Variants in DISP1 observed in about 807,000 individuals in gnomAD.
DISP1 encodes the protein protein dispatched homolog 1.
Under a neutral mutation model 37.3 loss-of-function variants are expected in DISP1, and 30 were observed. The ratio of observed to expected loss-of-function variants is 0.80; its 90% CI spans 0.60 to 1.09. The LOEUF (loss-of-function observed/expected upper bound fraction) is 1.09, where lower values mean the gene tolerates loss of function less well. DISP1 is among the 50% of genes least tolerant of loss of function. The pLI is 0.00. For missense variants in DISP1, 1,598 were observed against 1,879.5 expected, an observed-to-expected ratio of 0.85 and a Z score of 2.77; for synonymous variants, 634 against 690.2, an observed-to-expected ratio of 0.92 and a Z score of 1.28.
chr1:222,920,120 T>C (rs913350539), intron 1 of DISP1, among the ~76,000 whole-genome samples: 2 of 152,194 alleles, frequency 1.3e-5, no homozygotes, highest in African/African-American at 4.8e-5. Flanking sequence ...GTTTGATGTC[T>C]TACAGAAAAT....
At chr1:222,949,372 C>T (rs1294836484) in intron 3 of DISP1, among the ~76,000 whole-genome samples, 4 of 149,986 alleles carry the variant, frequency 2.7e-5, no homozygotes, top group Non-Finnish European at 3.0e-5. Context: ...CCAGCCTGAG[C>T]GACAGAGGGA....
Position 222,985,175 on chromosome 1 carries a change from ATT to A in DISP1, c.539+2068_539+2069del, listed in dbSNP as rs776646040. 7.2e-5 allele frequency among the ~76,000 whole-genome samples: 11 copies of A among 152,300 alleles called. 1 individual carries two copies. The South Asian group carries it at 2.3e-3, about 32-fold the overall frequency. On this transcript the variant is annotated intron_variant, in intron 4 of 8. Coordinates refer to ENST00000675850, the MANE Select transcript of DISP1 (RefSeq NM_001377229.1). ...TGACTAAAAATTTTACTTTGAAAAG[ATT>A]TCTTTCTCTGTTATTAAATTGGTGT... is the stretch of plus-strand genomic sequence containing the variant.
At chr1:222,995,081 C>A (rs1374453493) in intron 8 of DISP1, 99 bp downstream of exon 8, 9 of 953,452 alleles carry the variant, frequency 9.4e-6, no homozygotes, top group Non-Finnish European at 1.3e-5. Flanking sequence ...GATGAAAGTA[C>A]TTCAGAGGCT....
intron 7 of DISP1, among the ~76,000 whole-genome samples, chr1:222,994,419 T>A (rs1246555778): frequency 3.3e-5 from 5 of 152,190 alleles, no homozygotes; most frequent in Non-Finnish European, 7.3e-5. Context: ...CTGTACTTAG[T>A]TGGCTGTTTT....
At chr1:222,935,898 A>G (rs1673693746) in intron 2 of DISP1, among the ~76,000 whole-genome samples, 1 of 152,146 alleles carries the variant, frequency 6.6e-6, no homozygotes. Context: ...ATTGTGTGTC[A>G]TTAATTTTGG....
chr1:222,994,999 C>T lies in DISP1; in HGVS notation c.987+17C>T. On this transcript the variant is annotated intron_variant, in intron 8 of 8. Coordinates refer to ENST00000675850, the MANE Select transcript of DISP1 (RefSeq NM_001377229.1). Reference sequence around the variant, plus strand: ...AATTCCAGGGTATGTAAGATAAAAACTAAAATCTCCTTAGCACAAATAAGG... The same window carrying T: ...AATTCCAGGGTATGTAAGATAAAAATTAAAATCTCCTTAGCACAAATAAGG... 1 of 1,563,630 alleles carries T rather than the reference C, an allele frequency of 6.4e-7. No individual in the cohort carries two copies. The highest frequency in any genetic ancestry group is 8.8e-7 in the Non-Finnish European group (1 of 1,134,974).
At chr1:222,891,426 G>C (rs1297111238) in intron 1 of DISP1, among the ~76,000 whole-genome samples, 1 of 152,114 alleles carries the variant, frequency 6.6e-6, no homozygotes, top group Non-Finnish European at 1.5e-5. Flanking sequence ...AAAGATTGAA[G>C]CTGGAAATAA....
intron 1 of DISP1, among the ~76,000 whole-genome samples, chr1:222,910,775 A>T (rs1226141256): frequency 6.6e-6 from 1 of 152,226 alleles, no homozygotes; most frequent in Non-Finnish European, 1.5e-5. Flanking sequence ...TACCTTGAAG[A>T]AATATGTAGG....
intron 1 of DISP1, among the ~76,000 whole-genome samples, chr1:222,908,029 G>GT (rs563525437): frequency 1.6e-4 from 25 of 152,266 alleles, no homozygotes; most frequent in South Asian, 4.2e-4. Context: ...GATGTACAGA[G>GT]TTTTTTTAAA....
At chr1:222,845,467 G>C (rs758268078) in intron 1 of DISP1, among the ~76,000 whole-genome samples, 1 of 152,076 alleles carries the variant, frequency 6.6e-6, no homozygotes. Context: ...TTTTGACTTA[G>C]GTACTTTTTC....
chr1:222,983,192 G>C, intron 4 of DISP1, 83 bp downstream of exon 4: 1 of 1,099,366 alleles, frequency 9.1e-7, no homozygotes, highest in Non-Finnish European at 1.4e-6. Context: ...GTATTTTGCT[G>C]TTCTTTTCAC....
chr1:222,995,105 G>C lies in DISP1; in HGVS notation c.987+123G>C, dbSNP rs182113501. On this transcript the variant is annotated intron_variant, in intron 8 of 8. Coordinates refer to ENST00000675850, the MANE Select transcript of DISP1 (RefSeq NM_001377229.1). The stretch of plus-strand genomic sequence containing the variant: ...ACTTCAGAGGCTTACCTACTGAGGA[G>C]TAAACTCCAGCAGGCCAGCTTTGCA... 21 of 766,548 alleles carry C rather than the reference G, an allele frequency of 2.7e-5. 1 individual carries two copies. Among genetic ancestry groups the C allele is most frequent in the African/African-American group, 2.2e-4 (13 of 58,574 alleles). 47.5% of individuals were successfully genotyped at this position (766,548 alleles called of 1,614,324 possible).
intron 1 of DISP1, among the ~76,000 whole-genome samples, chr1:222,875,131 G>A (rs962285519): frequency 1.3e-5 from 2 of 152,016 alleles, no homozygotes; most frequent in African/African-American, 4.8e-5. Context: ...GATGGGGTAG[G>A]TGAGTCATTT....
intron 2 of DISP1, among the ~76,000 whole-genome samples, chr1:222,930,619 T>G (rs1258293139): frequency 6.6e-6 from 1 of 152,108 alleles, no homozygotes; most frequent in Non-Finnish European, 1.5e-5. Flanking sequence ...ATAAGGACAT[T>G]TAACTGAAAA....
intron 1 of DISP1, among the ~76,000 whole-genome samples, chr1:222,836,760 T>C (rs61839597): frequency 0.26 from 38,349 of 147,674 alleles, 5,159 homozygotes; most frequent in South Asian, 0.41. Flanking sequence ...TATATATATA[T>C]ATACACACAC....
chr1:222,923,764 CTCTGCTTCCTTG>C (rs1238419636), intron 1 of DISP1, among the ~76,000 whole-genome samples: 1 of 152,062 alleles, frequency 6.6e-6, no homozygotes, highest in African/African-American at 2.4e-5. Context: ...TGTTTTAGGT[CTCTGCTTCCTTG>C]TCTGGTGACT....
intron 4 of DISP1, chr1:222,989,281 G>A (rs1678512784): frequency 2.7e-6 from 2 of 738,898 alleles, no homozygotes; most frequent in African/African-American, 1.9e-5. Context: ...GCAGCCAAAT[G>A]AGCTAACATT....
chr1:222,852,422 G>C (rs1668318802), intron 1 of DISP1, among the ~76,000 whole-genome samples: 1 of 151,902 alleles, frequency 6.6e-6, no homozygotes, highest in African/African-American at 2.4e-5. Context: ...GCCCAGGCTG[G>C]TCTTGAACTG....
chr1:222,967,675 A>G (rs530808954), intron 3 of DISP1, among the ~76,000 whole-genome samples: 1 of 152,208 alleles, frequency 6.6e-6, no homozygotes, highest in Non-Finnish European at 1.5e-5. Context: ...CCTATGATGT[A>G]AGTCAGGTTC....
Sources: gnomAD v4.1 joint callset for allele counts (sites outside exome capture counted in the v4.1 genomes callset) on GRCh38, gnomAD v4.1.1 for gene constraint, MANE v1.5 for transcripts, NCBI Gene and HGNC (gene_info 2026-07-23, HGNC 2026-07-21) for gene names.